MTA3: variants seen among roughly 807,000 people sequenced by gnomAD.
MTA3 encodes the protein metastasis associated 1 family member 3.
A neutral mutation model predicts 83.5 loss-of-function variants in MTA3; 34 were observed. That is an observed-to-expected ratio of 0.41 (90% CI 0.31 to 0.54). MTA3 has a LOEUF of 0.54. Ranked by LOEUF, MTA3 falls within the 20% of genes least tolerant of loss-of-function variation. The pLI is 0.33. For synonymous variants in MTA3, 303 were observed against 252.7 expected (o/e 1.20, Z -1.89); for missense variants, 761 against 726.4 (o/e 1.05, Z -0.55).
chr2:42,740,476 G>T (rs1573820761), intron 16 of MTA3, among the ~76,000 whole-genome samples: 1 of 152,328 alleles, frequency 6.6e-6, no homozygotes, highest in East Asian at 1.9e-4. Flanking sequence ...CTGCACTCCA[G>T]CCTGGGTGAC....
chr2:42,586,125 A>C (rs1276464129), intron 3 of MTA3, among the ~76,000 whole-genome samples: 1 of 151,796 alleles, frequency 6.6e-6, no homozygotes, highest in East Asian at 2.0e-4. Context: ...TAAGAATGCA[A>C]AATTAACTGG....
chr2:42,589,958 A>G (rs773754227), intron 3 of MTA3, among the ~76,000 whole-genome samples: 1 of 152,176 alleles, frequency 6.6e-6, no homozygotes, highest in Non-Finnish European at 1.5e-5. Flanking sequence ...AGATGCCTGT[A>G]TATAAGACAA....
chr2:42,609,303 A>G (rs1223258715), intron 3 of MTA3, among the ~76,000 whole-genome samples, 155 bp from the exon 4 acceptor site: 1 of 152,162 alleles, frequency 6.6e-6, no homozygotes, highest in Non-Finnish European at 1.5e-5. Flanking sequence ...AATGCTTAGG[A>G]TTACAAGCAT....
Position 42,697,909 on chromosome 2 carries a change from G to T in MTA3, c.1025+75G>T, listed in dbSNP as rs1693531331. On this transcript the variant is annotated intron_variant, in intron 11 of 16. Transcript: ENST00000405094. The stretch of plus-strand genomic sequence containing the variant: ...ATTGCAGAATATGTCATTTTGTTCA[G>T]TTTCAGCAAAATTTGAACTTTTGTG... 6 of 1,118,112 alleles carry T rather than the reference G, an allele frequency of 5.4e-6. No individual in the cohort carries two copies. In the Admixed American group the frequency reaches 9.8e-5, roughly 18 times the overall value. 69.3% of individuals were successfully genotyped at this position (1,118,112 alleles called of 1,614,324 possible). A position where few individuals can be genotyped will look rare whatever the true frequency, so the allele number is the denominator to read the frequency against.
intron 3 of MTA3, among the ~76,000 whole-genome samples, chr2:42,594,244 CTTTT>C (rs143512619): frequency 1.6e-3 from 187 of 114,938 alleles, no homozygotes; most frequent in Middle Eastern, 0.011. Flanking sequence ...CGCCAGGCCC[CTTTT>C]TTTTTTTTTT....
chr2:42,585,476 C>CTT (rs35808147), intron 3 of MTA3, among the ~76,000 whole-genome samples: 11 of 119,024 alleles, frequency 9.2e-5, no homozygotes, highest in Non-Finnish European at 1.2e-4. Flanking sequence ...TCTTTCTTTT[C>CTT]TTTTTTTTTT....
intron 4 of MTA3, among the ~76,000 whole-genome samples, chr2:42,627,034 C>G (rs1158624062): frequency 6.6e-6 from 1 of 152,230 alleles, no homozygotes; most frequent in Non-Finnish European, 1.5e-5. Flanking sequence ...AGCCACTGCA[C>G]CCAGCCATCT....
intron 3 of MTA3, among the ~76,000 whole-genome samples, chr2:42,594,124 G>A (rs1300853783): frequency 6.6e-6 from 1 of 150,920 alleles, no homozygotes; most frequent in African/African-American, 2.4e-5. Flanking sequence ...GCTAATTTTT[G>A]TATTTTTAGT....
Position 42,576,926 on chromosome 2 carries a change from A to T in MTA3, c.97-2181A>T, listed in dbSNP as rs755813363. On this transcript the variant is annotated intron_variant, in intron 2 of 16. Transcript: ENST00000405094. ...CAAACAAAAAAACCAAAACAAAACCACCTCTAAACTGAAAATACTTACTTT... is the reference window on the plus strand; with the variant it reads ...CAAACAAAAAAACCAAAACAAAACCTCCTCTAAACTGAAAATACTTACTTT... Among the ~76,000 whole-genome samples, 6 of 147,970 alleles carry T rather than the reference A, an allele frequency of 4.1e-5. No individual in the cohort carries two copies. In the East Asian group the frequency reaches 1.2e-3, roughly 30 times the overall value.
At chr2:42,652,930 G>C (rs1688848190) in intron 6 of MTA3, among the ~76,000 whole-genome samples, 1 of 152,124 alleles carries the variant, frequency 6.6e-6, no homozygotes, top group African/African-American at 2.4e-5. Flanking sequence ...CTGGTGCAAA[G>C]AAAACGTTAT....
intron 16 of MTA3, among the ~76,000 whole-genome samples, chr2:42,740,317 C>T (rs1668936951): frequency 6.6e-6 from 1 of 152,222 alleles, no homozygotes; most frequent in Non-Finnish European, 1.5e-5. Context: ...TCAAGACCAG[C>T]CGGGACAACA....
intron 7 of MTA3, among the ~76,000 whole-genome samples, chr2:42,658,807 G>C (rs1689410759): frequency 6.6e-6 from 1 of 151,956 alleles, no homozygotes; most frequent in Admixed American, 6.6e-5. Context: ...AACCACAATG[G>C]CTCATGCCTA....
intron 2 of MTA3, among the ~76,000 whole-genome samples, chr2:42,554,375 A>G (rs912749280): frequency 1.6e-4 from 24 of 152,232 alleles, no homozygotes; most frequent in Non-Finnish European, 2.8e-4. Context: ...AAGAATCACA[A>G]TAAGTGTTGA....
intron 2 of MTA3, among the ~76,000 whole-genome samples, chr2:42,515,014 A>C (rs1675076355): frequency 6.6e-6 from 1 of 151,002 alleles, no homozygotes; most frequent in Admixed American, 6.6e-5. Context: ...TTTTCTTTGG[A>C]TATGTATGCC....
chr2:42,560,488 G>A (rs1243831124), intron 2 of MTA3, among the ~76,000 whole-genome samples: 1 of 151,094 alleles, frequency 6.6e-6, no homozygotes, highest in Non-Finnish European at 1.5e-5. Context: ...AGAGGCAGAG[G>A]TTGCAGTGAG....
intron 2 of MTA3, among the ~76,000 whole-genome samples, chr2:42,509,538 G>A (rs539824764): frequency 6.6e-6 from 1 of 152,238 alleles, no homozygotes; most frequent in African/African-American, 2.4e-5. Context: ...GGGAGACCAA[G>A]GTGGGTGGCT....
chr2:42,619,380 TAGTC>T (rs1312118649), intron 4 of MTA3, among the ~76,000 whole-genome samples: 2 of 152,198 alleles, frequency 1.3e-5, no homozygotes, highest in African/African-American at 4.8e-5. Flanking sequence ...TTTTGTATCT[TAGTC>T]AGTTTTACTC....
chr2:42,579,904 G>A (rs947760373), intron 3 of MTA3, among the ~76,000 whole-genome samples: 35 of 151,856 alleles, frequency 2.3e-4, no homozygotes, highest in East Asian at 3.9e-4. Context: ...TCACTGTTTC[G>A]GAGGATGTTT....
At chr2:42,638,498 C>G (rs539816946) in intron 4 of MTA3, among the ~76,000 whole-genome samples, 22 of 151,928 alleles carry the variant, frequency 1.4e-4, no homozygotes, top group African/African-American at 5.1e-4. Context: ...AAGCAGTCCC[C>G]CAACCGCGAG....
Sources: allele counts gnomAD v4.1 joint callset (sites outside exome capture counted in the v4.1 genomes callset), GRCh38; gene constraint gnomAD v4.1.1; transcripts MANE v1.5; gene names NCBI Gene and HGNC (gene_info 2026-07-23, HGNC 2026-07-21).